The following CCDC40 variants were observed in gnomAD, a reference collection of about 807,000 sequenced individuals.
The protein encoded by CCDC40 is coiled-coil domain-containing protein 40.
In CCDC40, 104 loss-of-function variants were observed where a neutral mutation model predicts 124.5. The observed-to-expected ratio is 0.84, with a 90% CI of 0.71 to 0.98. The LOEUF is 0.98. Among genes scored for constraint, CCDC40 ranks in the 50% least tolerant of loss-of-function variants. The pLI is 0.00. For missense variants in CCDC40, 1,463 were observed against 1,503.9 expected, an observed-to-expected ratio of 0.97 and a Z score of 0.45; for synonymous variants, 580 against 602.9, an observed-to-expected ratio of 0.96 and a Z score of 0.56.
At chr17:80,083,207 G>A (rs906040924) in intron 12 of CCDC40, among the ~76,000 whole-genome samples, 1 of 151,960 alleles carries the variant, frequency 6.6e-6, no homozygotes, top group East Asian at 1.9e-4. Flanking sequence ...AGCCCCTGCA[G>A]GGCAGTTGGG....
At chr17:80,046,532 C>CAATAATAATAATAATAATAATAAT (rs60431250) in intron 3 of CCDC40, among the ~76,000 whole-genome samples, 113 of 147,374 alleles carry the variant, frequency 7.7e-4, no homozygotes, top group African/African-American at 2.6e-3. Flanking sequence ...GACCCTTACT[C>CAATAATAATAATAATAATAATAAT]AATAATAATA....
intron 3 of CCDC40, among the ~76,000 whole-genome samples, chr17:80,042,744 C>G (rs182466960): frequency 6.6e-6 from 1 of 152,274 alleles, no homozygotes; most frequent in Non-Finnish European, 1.5e-5. Context: ...CCTGATCTTA[C>G]AGGAAAAGCA....
chr17:80,085,695 G>A (rs1226705944), intron 13 of CCDC40, among the ~76,000 whole-genome samples: 3 of 147,176 alleles, frequency 2.0e-5, no homozygotes, highest in Non-Finnish European at 4.5e-5. Flanking sequence ...TTTCTGAGAC[G>A]GAGTCTTGCT....
intron 18 of CCDC40, among the ~76,000 whole-genome samples, chr17:80,095,995 T>C (rs2038803935): frequency 6.6e-6 from 1 of 152,220 alleles, no homozygotes; most frequent in South Asian, 2.1e-4. Flanking sequence ...GCTGGTGCTG[T>C]CCGGTGCTTA....
rs2038023446 is a variant in CCDC40, at chr17:80,065,581, C to T, written c.1537C>T (p.His513Tyr). The change falls in exon 10 of 20, where the codon CAC becomes TAC. Residue 513 changes from histidine to tyrosine, a missense_variant. Coordinates refer to ENST00000397545, the MANE Select transcript of CCDC40 (RefSeq NM_017950.4). ...GGGCATGAAGCACCGCGACGAGGCG[C>T]ACAGGGCGGTGCTGGAGGCGCTCAG... ...LVGMKHRDEA[H>Y]RAVLEALRGC... The T allele has an allele frequency of 1.2e-6, 2 of 1,612,828 alleles. No individual in the cohort carries two copies. The highest frequency in any genetic ancestry group is 1.7e-6 in the Non-Finnish European group (2 of 1,179,920).
At position 80,047,269 on chromosome 17, in the gene CCDC40, C is replaced by G. The variant is rs778679371; in HGVS notation, c.553-10C>G. 5.6e-6 allele frequency: 9 copies of G among 1,613,618 alleles called. No homozygotes were observed. Among genetic ancestry groups the G allele is most frequent in the Admixed American group, 5.0e-5 (3 of 60,014 alleles). ...CCCTGTTGACTTAGTTTTGGTTGTT[C>G]TTGCCATAGACAGGATCCACAGAGG... On this transcript the variant is annotated splice_polypyrimidine_tract_variant and intron_variant, in intron 3 of 19. Transcript: ENST00000397545.
chr17:80,059,040 G>A (rs2037827642), intron 9 of CCDC40, 60 bp downstream of exon 9: 1 of 1,601,216 alleles, frequency 6.2e-7, no homozygotes, highest in Non-Finnish European at 8.6e-7. Flanking sequence ...CACGCACAGG[G>A]TGCTGGTGGG....
chr17:80,051,914 C>A (rs965585098), intron 7 of CCDC40, among the ~76,000 whole-genome samples: 1 of 152,236 alleles, frequency 6.6e-6, no homozygotes, highest in Non-Finnish European at 1.5e-5. Context: ...TCCAAACACT[C>A]TGGTGGACTC....
Position 80,099,565 on chromosome 17 carries a change from G to A in CCDC40, c.3219G>A (p.Lys1073=), listed in dbSNP as rs1414328337. ...TCGTGGCCCTGCAGACACGCCTTAA[G>A]CACCTGCAGGCTGTGAAGGAGGGGC... The part of the protein sequence containing the change: ...SEIVALQTRL[K]HLQAVKEGRY... The change falls in exon 20 of 20, where the codon AAG becomes AAA. Residue 1073 remains lysine, a synonymous_variant. Transcript: ENST00000397545. 1 of 1,612,766 alleles carries A rather than the reference G, an allele frequency of 6.2e-7. No homozygotes were observed. Among genetic ancestry groups the A allele is most frequent in the Non-Finnish European group, 8.5e-7 (1 of 1,180,016 alleles).
chr17:80,061,260 C>T (rs1280360809), intron 9 of CCDC40, among the ~76,000 whole-genome samples: 5 of 152,258 alleles, frequency 3.3e-5, no homozygotes, highest in African/African-American at 9.6e-5. Flanking sequence ...GCAGGAGAAT[C>T]GCTTGAACCC....
chr17:80,081,411 T>TAAATAAA (rs1198955225), intron 10 of CCDC40, 135 bp from the exon 11 acceptor site: 3 of 678,854 alleles, frequency 4.4e-6, no homozygotes, highest in Non-Finnish European at 7.5e-6. Context: ...AATAAATAAA[T>TAAATAAA]AAGAGTTGGC....
At position 80,056,016 on chromosome 17, in the gene CCDC40, A is replaced by ATTTTTTTTTTTTTTTTTTTTT. The variant is rs1193599741; in HGVS notation, c.1160-2463_1160-2462insTTTTTTTTTTTTTTTTTTTTT. On this transcript the variant is annotated intron_variant, in intron 7 of 19. Transcript: ENST00000397545. ...TATATATATATATATATATATATATATTTTTTTTTTTTTTTGGTAGAAACA... is the reference window on the plus strand; with the variant it reads ...TATATATATATATATATATATATATATTTTTTTTTTTTTTTTTTTTTTTTTTTTTTTTTTTTGGTAGAAACA... Among the ~76,000 whole-genome samples the ATTTTTTTTTTTTTTTTTTTTT allele has an allele frequency of 4.9e-4, 5 of 10,252 alleles. 1 individual carries two copies. The highest frequency in any genetic ancestry group is 1.4e-3 in the African/African-American group (4 of 2,844). The allele number at this position is 10,252 out of a possible 152,430, so 6.7% of individuals were successfully genotyped here.
In CCDC40 at chr17:80,081,436, C is replaced by G. The variant is rs9898231; in HGVS notation, c.1563-110C>G. The G allele has an allele frequency of 1.1e-3, 1,027 of 965,244 alleles. 10 individuals are homozygous for G. The African/African-American group carries it at 0.02, about 19-fold the overall frequency. The allele number at this position is 965,244 out of a possible 1,614,324, so 59.8% of individuals were successfully genotyped here. A position where few individuals can be genotyped will look rare whatever the true frequency, so the allele number is the denominator to read the frequency against. On this transcript the variant is annotated intron_variant, in intron 10 of 19. Coordinates refer to ENST00000397545, the MANE Select transcript of CCDC40 (RefSeq NM_017950.4). ...TAAGAGTTGGCTTCCTAATTTATTT[C>G]TCTGTGCATTGAGTTCGCCTTAGTG...
At chr17:80,085,057 G>C (rs1386899132) in intron 13 of CCDC40, 69 bp downstream of exon 13, 1 of 1,577,220 alleles carries the variant, frequency 6.3e-7, no homozygotes, top group Non-Finnish European at 8.6e-7. Context: ...AGCCCCCTCA[G>C]ATCCCCCACG....
chr17:80,044,704 AAC>A (rs1202936974), intron 3 of CCDC40, among the ~76,000 whole-genome samples: 418 of 37,172 alleles, frequency 0.011, 6 homozygotes, highest in African/African-American at 0.031. Flanking sequence ...AAAACAAACA[AAC>A]AAAAAAAAAA....
chr17:80,057,963 A>G (rs547942013), intron 7 of CCDC40, among the ~76,000 whole-genome samples: 48 of 152,162 alleles, frequency 3.2e-4, no homozygotes, highest in Admixed American at 1.3e-3. Context: ...GCACTGACAT[A>G]AATCTGTCAC....
rs1352260849 is a variant in CCDC40, at chr17:80,086,164, C to T, written c.2397C>T (p.Asp799=). ...QEQEEQLASL[D]ASKKELHIME... is the part of the protein sequence containing the mutation. The stretch of plus-strand genomic sequence containing the variant: ...AGGAGGAGCAGCTGGCCTCCCTGGA[C>T]GCATCCAAGAAGGAGCTCCACATCA... The change falls in exon 14 of 20, where the codon GAC becomes GAT. Residue 799 remains aspartate (D), a synonymous_variant. Transcript: ENST00000397545. The surrounding 1 kb of genome is among the most constrained non-coding windows in gnomAD (Gnocchi z 5.5). The T allele has an allele frequency of 1.9e-6, 3 of 1,613,770 alleles. No individual in the cohort carries two copies. Among genetic ancestry groups the T allele is most frequent in the Admixed American group, 1.7e-5 (1 of 59,976 alleles).
chr17:80,049,432 C>T (rs917842793), intron 5 of CCDC40, among the ~76,000 whole-genome samples: 4 of 148,674 alleles, frequency 2.7e-5, no homozygotes, highest in African/African-American at 9.8e-5. Context: ...AAAAAAATGT[C>T]TCCAGTCATT....
chr17:80,043,110 C>A (rs939115055), intron 3 of CCDC40, among the ~76,000 whole-genome samples: 1 of 152,118 alleles, frequency 6.6e-6, no homozygotes, highest in Non-Finnish European at 1.5e-5. Flanking sequence ...TCAGGGCTCT[C>A]CATGTGATTC....
Sources: gnomAD v4.1 joint callset for allele counts (sites outside exome capture counted in the v4.1 genomes callset) on GRCh38, gnomAD v4.1.1 for gene constraint, Gnocchi (gnomAD v3.1) non-coding constraint, MANE v1.5 for transcripts, NCBI Gene and HGNC (gene_info 2026-07-23, HGNC 2026-07-21) for gene names.